Variants in LYN observed in about 807,000 individuals in gnomAD.
LYN encodes tyrosine-protein kinase Lyn.
Under a neutral mutation model 65.0 loss-of-function variants are expected in LYN, and 12 were observed. That is an observed-to-expected ratio of 0.18 (90% confidence interval 0.12 to 0.30). LYN has a LOEUF of 0.30. Among genes scored for constraint, LYN ranks in the 10% least tolerant of loss-of-function variants. The pLI is 1.00. For missense variants in LYN, 380 were observed against 623.2 expected, an observed-to-expected ratio of 0.61 and a Z score of 4.16; for synonymous variants, 222 against 221.2, an observed-to-expected ratio of 1.00 and a Z score of -0.03.
At chr8:55,970,561 A>G (rs1046884740) in intron 10 of LYN, among the ~76,000 whole-genome samples, 4 of 152,040 alleles carry the variant, frequency 2.6e-5, no homozygotes, top group Non-Finnish European at 5.9e-5. Context: ...AGCAAAAGAG[A>G]TTTATAGAAG....
chr8:55,933,370 G>C (rs1258508672), intron 1 of LYN, among the ~76,000 whole-genome samples: 1 of 152,136 alleles, frequency 6.6e-6, no homozygotes, highest in Non-Finnish European at 1.5e-5. Flanking sequence ...CCTATAATTT[G>C]ACAAACAAGC....
intron 1 of LYN, among the ~76,000 whole-genome samples, chr8:55,891,842 A>T (rs1804971061): frequency 1.3e-5 from 2 of 152,202 alleles, no homozygotes; most frequent in Admixed American, 1.3e-4. Context: ...TTACCTACCA[A>T]GCAGACGGGT....
chr8:55,993,984 G>A (rs1367143900), intron 10 of LYN, among the ~76,000 whole-genome samples: 3 of 152,140 alleles, frequency 2.0e-5, no homozygotes, highest in East Asian at 1.9e-4. Context: ...AGTGCTGAAC[G>A]CTACATGGCC....
At chr8:55,954,764 G>A (rs1367179277) in intron 8 of LYN, among the ~76,000 whole-genome samples, 1 of 152,054 alleles carries the variant, frequency 6.6e-6, no homozygotes, top group East Asian at 1.9e-4. Flanking sequence ...AAGCCAAGGA[G>A]GTCGAGGCTG....
At chr8:55,919,567 A>T (rs1805884455) in intron 1 of LYN, among the ~76,000 whole-genome samples, 1 of 152,148 alleles carries the variant, frequency 6.6e-6, no homozygotes, top group South Asian at 2.1e-4. Flanking sequence ...TTTTGGTCTT[A>T]ACTATTAGGC....
chr8:55,961,876 C>T (rs901689522), intron 8 of LYN, among the ~76,000 whole-genome samples: 43 of 152,078 alleles, frequency 2.8e-4, no homozygotes, highest in Non-Finnish European at 4.3e-4. Context: ...CCACCCATCC[C>T]CTCCCACCCA....
chr8:55,880,187 T>TC, intron 1 of LYN, 84 bp downstream of exon 1: 1 of 166,750 alleles, frequency 6.0e-6, no homozygotes, highest in African/African-American at 2.4e-5. Context: ...CCAGCCGGAG[T>TC]CCCGGGCGCA....
At chr8:55,939,772 A>G (rs1274322782) in intron 1 of LYN, among the ~76,000 whole-genome samples, 2 of 152,004 alleles carry the variant, frequency 1.3e-5, no homozygotes, top group East Asian at 3.8e-4. Flanking sequence ...TTTTTCGGGG[A>G]GGGTGACGGG....
At chr8:55,996,511 A>G (rs1452863934) in intron 10 of LYN, among the ~76,000 whole-genome samples, 1 of 152,168 alleles carries the variant, frequency 6.6e-6, no homozygotes, top group African/African-American at 2.4e-5. Flanking sequence ...CTTACCAGAT[A>G]AACTACTACT....
chr8:55,932,598 T>C (rs1351899577), intron 1 of LYN, among the ~76,000 whole-genome samples: 7 of 152,256 alleles, frequency 4.6e-5, no homozygotes, highest in African/African-American at 1.7e-4. Context: ...TTTTTGTATT[T>C]TTAGTAGAGA....
intron 6 of LYN, 39 bp downstream of exon 6, chr8:55,950,823 A>G: frequency 7.1e-7 from 1 of 1,405,586 alleles, no homozygotes; most frequent in Non-Finnish European, 1.0e-6. Context: ...AACACTATTT[A>G]GGAAATTATT....
chr8:56,002,677 AATGGTGAGAATCATAAAAAT>A (rs1808552989), intron 12 of LYN, among the ~76,000 whole-genome samples: 1 of 151,906 alleles, frequency 6.6e-6, no homozygotes, highest in African/African-American at 2.4e-5. Context: ...CCAGTAGAAA[AATGGTGAGAATCATAAAAAT>A]ATGTTTCTCT....
At position 55,950,780 on chromosome 8, in the gene LYN, A is replaced by G. The variant is rs748690972; in HGVS notation, c.483A>G (p.Leu161=). ...TCCTTATTAGAGAAAGTGAAACATT[A>G]AAAGGTAGGAAATTGTTCAAAGCCT... ...GAFLIRESET[L]KGSFSLSVRD... Residue 161 remains leucine, a synonymous_variant, in exon 6 of 13, where the codon TTA becomes TTG. Coordinates refer to ENST00000519728, the MANE Select transcript of LYN (RefSeq NM_002350.4). The G allele has an allele frequency of 1.5e-5, 24 of 1,601,598 alleles. No homozygotes were observed. The highest frequency in any genetic ancestry group is 1.3e-4 in the South Asian group (12 of 90,822).
chr8:55,945,246 G>C (rs917778907), intron 2 of LYN, among the ~76,000 whole-genome samples: 1 of 152,106 alleles, frequency 6.6e-6, no homozygotes, highest in Non-Finnish European at 1.5e-5. Context: ...GTAAGTTAAG[G>C]GCTTTTTGAA....
chr8:55,891,433 G>A (rs1804961627), intron 1 of LYN, among the ~76,000 whole-genome samples: 1 of 151,726 alleles, frequency 6.6e-6, no homozygotes, highest in Non-Finnish European at 1.5e-5. Flanking sequence ...AAATAAGCCA[G>A]ACACAAAAAG....
chr8:55,892,214 A>G (rs991347683), intron 1 of LYN, among the ~76,000 whole-genome samples: 2 of 152,222 alleles, frequency 1.3e-5, no homozygotes, highest in Non-Finnish European at 2.9e-5. Context: ...CGAGGTCAGG[A>G]GTTCAAGACC....
chr8:55,950,326 T>C (rs1434134699), intron 4 of LYN, 133 bp from the exon 5 acceptor site: 1 of 630,912 alleles, frequency 1.6e-6, no homozygotes, highest in East Asian at 2.9e-5. Context: ...CTATGTTTTC[T>C]TTATTTTTAA....
intron 9 of LYN, 151 bp downstream of exon 9, chr8:55,967,048 T>C (rs976805745): frequency 5.9e-6 from 4 of 679,958 alleles, no homozygotes; most frequent in Non-Finnish European, 9.5e-6. Flanking sequence ...AAGCAGTTTA[T>C]AAACCTAATC....
At chr8:55,980,784 A>G (rs1334776096) in intron 10 of LYN, among the ~76,000 whole-genome samples, 1 of 152,234 alleles carries the variant, frequency 6.6e-6, no homozygotes, top group African/African-American at 2.4e-5. Context: ...GTGGTAAAAT[A>G]AACACAAATT....
Sources: gnomAD v4.1 joint callset for allele counts (sites outside exome capture counted in the v4.1 genomes callset) on GRCh38, gnomAD v4.1.1 for gene constraint, MANE v1.5 for transcripts, NCBI Gene and HGNC (gene_info 2026-07-23, HGNC 2026-07-21) for gene names.